GPC5: variants seen among roughly 807,000 people sequenced by gnomAD.
The protein encoded by GPC5 is glypican 5.
A neutral mutation model predicts 53.9 loss-of-function variants in GPC5; 47 were observed. That is an observed-to-expected ratio of 0.87 (90% CI 0.69 to 1.11). GPC5 has a LOEUF of 1.11. Among genes scored for constraint, GPC5 ranks in the 50% most tolerant of loss-of-function variants. The pLI, the probability that GPC5 is intolerant of heterozygous loss-of-function variation, is 0.00. For missense variants in GPC5, 748 were observed against 713.1 expected, an observed-to-expected ratio of 1.05 and a Z score of -0.56; for synonymous variants, 286 against 263.3, an observed-to-expected ratio of 1.09 and a Z score of -0.84.
At chr13:91,708,826 C>A (rs1359647948) in intron 3 of GPC5, among the ~76,000 whole-genome samples, 1 of 152,050 alleles carries the variant, frequency 6.6e-6, no homozygotes, top group African/African-American at 2.4e-5. Flanking sequence ...CTTTCTGAGG[C>A]TTTGGAGACT....
intron 2 of GPC5, among the ~76,000 whole-genome samples, chr13:91,453,955 T>C (rs1881366652): frequency 6.6e-6 from 1 of 152,090 alleles, no homozygotes; most frequent in Non-Finnish European, 1.5e-5. Flanking sequence ...TGCCGACATA[T>C]TTATTAGTTT....
chr13:91,792,239 AG>A (rs2037977227), intron 5 of GPC5, among the ~76,000 whole-genome samples: 1 of 152,214 alleles, frequency 6.6e-6, no homozygotes. Context: ...GCAGCAACCC[AG>A]TCATTTCTTG....
In GPC5 at chr13:91,415,193, A is replaced by G. The variant is rs146137437; in HGVS notation, c.163+15984A>G. 4.4e-3 allele frequency among the ~76,000 whole-genome samples: 663 copies of G among 152,200 alleles called. 4 individuals are homozygous for G. Among genetic ancestry groups the G allele is most frequent in the Non-Finnish European group, 6.0e-3 (411 of 68,028 alleles). ...ATGTGTCAGTGTTGTGTTTGCAGTGAGCAACTTTGAGGGACGGTCTCCCCC... is the reference window on the plus strand; with the variant it reads ...ATGTGTCAGTGTTGTGTTTGCAGTGGGCAACTTTGAGGGACGGTCTCCCCC... On this transcript the variant is annotated intron_variant, in intron 1 of 7. Coordinates refer to ENST00000377067, the MANE Select transcript of GPC5 (RefSeq NM_004466.6).
intron 7 of GPC5, among the ~76,000 whole-genome samples, chr13:92,759,080 A>G (rs1452081549): frequency 8.2e-6 from 1 of 122,126 alleles, no homozygotes; most frequent in African/African-American, 3.3e-5. Flanking sequence ...CGGACTTTCT[A>G]CTCTATCCCA....
At chr13:92,607,831 C>A (rs1271653588) in intron 7 of GPC5, among the ~76,000 whole-genome samples, 1 of 152,098 alleles carries the variant, frequency 6.6e-6, no homozygotes, top group East Asian at 1.9e-4. Context: ...GACCCTTGAA[C>A]AACATGGGTT....
chr13:91,647,369 A>G (rs1036094051), intron 2 of GPC5, among the ~76,000 whole-genome samples: 6 of 152,230 alleles, frequency 3.9e-5, no homozygotes, highest in African/African-American at 1.4e-4. Context: ...ATTTAAAACA[A>G]AAAGTTATCT....
intron 7 of GPC5, among the ~76,000 whole-genome samples, chr13:92,652,657 A>G (rs1002027511): frequency 6.6e-6 from 1 of 152,156 alleles, no homozygotes; most frequent in Non-Finnish European, 1.5e-5. Flanking sequence ...TAAAATGAGG[A>G]CAGTATCCTT....
intron 3 of GPC5, among the ~76,000 whole-genome samples, chr13:91,709,238 G>A (rs2036175646): frequency 6.6e-6 from 1 of 152,138 alleles, no homozygotes; most frequent in South Asian, 2.1e-4. Flanking sequence ...CTACACAGAA[G>A]TCAGAATGCT....
intron 5 of GPC5, among the ~76,000 whole-genome samples, chr13:91,904,010 C>T (rs9556130): frequency 0.87 from 132,869 of 151,992 alleles, 58,380 homozygotes; most frequent in East Asian, 0.97. Flanking sequence ...AAACACTGTA[C>T]GGCAAACCTA....
intron 7 of GPC5, among the ~76,000 whole-genome samples, chr13:92,273,533 A>G (rs919702673): frequency 4.6e-5 from 7 of 152,122 alleles, no homozygotes; most frequent in Middle Eastern, 3.2e-3. Context: ...TTATATTAAA[A>G]CAGCAAAAAA....
At chr13:91,780,592 G>A (rs2037783275) in intron 5 of GPC5, among the ~76,000 whole-genome samples, 1 of 151,992 alleles carries the variant, frequency 6.6e-6, no homozygotes, top group Non-Finnish European at 1.5e-5. Context: ...CAGATTGTTT[G>A]GAAACTTGAA....
At chr13:92,615,082 T>A (rs1381514699) in intron 7 of GPC5, among the ~76,000 whole-genome samples, 1 of 152,224 alleles carries the variant, frequency 6.6e-6, no homozygotes, top group African/African-American at 2.4e-5. Context: ...CTTATGCATA[T>A]GATTACCTCC....
At chr13:92,602,833 A>G (rs1319823302) in intron 7 of GPC5, among the ~76,000 whole-genome samples, 2 of 150,688 alleles carry the variant, frequency 1.3e-5, no homozygotes, top group African/African-American at 5.0e-5. Flanking sequence ...AGAAGTCCTT[A>G]TAGTCATAGT....
At chr13:92,852,572 TTA>T (rs2138846327) in intron 7 of GPC5, among the ~76,000 whole-genome samples, 1 of 152,298 alleles carries the variant, frequency 6.6e-6, no homozygotes, top group South Asian at 2.1e-4. Context: ...GAAGCTTTTT[TTA>T]TTTTTTATTT....
intron 7 of GPC5, among the ~76,000 whole-genome samples, chr13:92,685,180 C>A (rs1215940584): frequency 6.6e-6 from 1 of 152,102 alleles, no homozygotes; most frequent in African/African-American, 2.4e-5. Context: ...CAACCTCCAT[C>A]TCACGGGTTC....
chr13:92,752,818 G>A (rs1025938255), intron 7 of GPC5, among the ~76,000 whole-genome samples: 2 of 152,176 alleles, frequency 1.3e-5, no homozygotes, highest in Admixed American at 1.3e-4. Flanking sequence ...ATTATATCCT[G>A]CACCTGGCTC....
intron 6 of GPC5, among the ~76,000 whole-genome samples, chr13:92,078,377 C>CT (rs2041269260): frequency 6.6e-6 from 1 of 152,172 alleles, no homozygotes; most frequent in Non-Finnish European, 1.5e-5. Flanking sequence ...ATTCAGAAGA[C>CT]TTGTTAATAT....
chr13:92,340,061 G>A (rs1309153759), intron 7 of GPC5: 1 of 151,966 alleles, frequency 6.6e-6, no homozygotes, highest in Non-Finnish European at 1.5e-5. Flanking sequence ...AAACTAAGAT[G>A]TATGTTTAAA....
At chr13:92,515,812 C>A (rs1880754338) in intron 7 of GPC5, among the ~76,000 whole-genome samples, 1 of 151,658 alleles carries the variant, frequency 6.6e-6, no homozygotes, top group East Asian at 1.9e-4. Context: ...ACCCTCAAAC[C>A]CAGAAGACTA....
Sources: gnomAD v4.1 joint callset for allele counts (sites outside exome capture counted in the v4.1 genomes callset) on GRCh38, gnomAD v4.1.1 for gene constraint, MANE v1.5 for transcripts, NCBI Gene and HGNC (gene_info 2026-07-23, HGNC 2026-07-21) for gene names.